The following ROR2 variants were observed in gnomAD, a reference collection of about 807,000 sequenced individuals.
ROR2 encodes the protein ROR family WNT receptor 2.
ROR2 carries 33 observed loss-of-function variants against 74.9 expected under a neutral mutation model. That is an observed-to-expected ratio of 0.44 (90% confidence interval 0.33 to 0.59). ROR2 has a LOEUF of 0.59. Among genes scored for constraint, ROR2 ranks in the 20% least tolerant of loss-of-function variants. The probability of loss-of-function intolerance (pLI) is 0.02; values close to 1 mark genes in which losing one functional copy is unlikely to be tolerated. For missense variants in ROR2, 1,216 were observed against 1,313.8 expected, an observed-to-expected ratio of 0.93 and a Z score of 1.15; for synonymous variants, 586 against 558.7, an observed-to-expected ratio of 1.05 and a Z score of -0.69.
chr9:91,929,613 G>C (rs750449808), intron 1 of ROR2, among the ~76,000 whole-genome samples: 23 of 152,236 alleles, frequency 1.5e-4, no homozygotes, highest in Middle Eastern at 6.8e-3. Flanking sequence ...TTCAACTTAT[G>C]ACCCAAAGAC....
intron 1 of ROR2, among the ~76,000 whole-genome samples, chr9:91,881,256 T>C (rs1830103306): frequency 6.6e-6 from 1 of 152,168 alleles, no homozygotes; most frequent in African/African-American, 2.4e-5. Flanking sequence ...AATTGATTAT[T>C]ATAAAAACAC....
intron 1 of ROR2, among the ~76,000 whole-genome samples, chr9:91,834,598 C>T (rs1828560072): frequency 6.6e-6 from 1 of 152,152 alleles, no homozygotes; most frequent in South Asian, 2.1e-4. Flanking sequence ...CAAAGGTCAG[C>T]GAGATTCATG....
At chr9:91,925,462 CTGTATGTGTG>C (rs1421418462) in intron 1 of ROR2, among the ~76,000 whole-genome samples, 2 of 126,084 alleles carry the variant, frequency 1.6e-5, no homozygotes, top group African/African-American at 6.6e-5. Flanking sequence ...TGTCAGCTGC[CTGTATGTGTG>C]TGTGTGTGTG....
At chr9:91,751,971 T>C (rs1021678542) in intron 4 of ROR2, among the ~76,000 whole-genome samples, 1 of 152,218 alleles carries the variant, frequency 6.6e-6, no homozygotes, top group Admixed American at 6.5e-5. Flanking sequence ...CAGCTTTAAA[T>C]ACATTTATTT....
At chr9:91,815,668 C>T (rs7853430) in intron 1 of ROR2, among the ~76,000 whole-genome samples, 3,100 of 152,288 alleles carry the variant, frequency 0.02, 94 homozygotes, top group East Asian at 0.16. Flanking sequence ...GCACTGTGAC[C>T]GTCAGCCTCT....
intron 1 of ROR2, among the ~76,000 whole-genome samples, chr9:91,908,885 T>C (rs967534019): frequency 3.3e-5 from 5 of 149,274 alleles, no homozygotes; most frequent in Non-Finnish European, 7.4e-5. Context: ...AAACTGACAC[T>C]TTGAACAGTT....
At position 91,950,032 on chromosome 9, in the gene ROR2, C is replaced by A. The variant is rs1832133188; in HGVS notation, c.-69G>T. ...GGGGCGCGGGGTCGGGCGCCACCACCCCTTTCTACGATGCGTCCGCTCCTC... is the reference window on the plus strand; with the variant it reads ...GGGGCGCGGGGTCGGGCGCCACCACACCTTTCTACGATGCGTCCGCTCCTC... On this transcript the variant is annotated 5_prime_UTR_variant, in exon 1 of 9. Transcript: ENST00000375708. 4.0e-6 allele frequency: 3 copies of A among 744,176 alleles called. No homozygotes were observed. Among genetic ancestry groups the A allele is most frequent in the Non-Finnish European group, 5.8e-6 (3 of 514,332 alleles). 46.1% of individuals were successfully genotyped at this position (744,176 alleles called of 1,614,324 possible). A position where few individuals can be genotyped will look rare whatever the true frequency, so the allele number is the denominator to read the frequency against.
intron 2 of ROR2, among the ~76,000 whole-genome samples, chr9:91,773,350 A>C (rs7039620): frequency 6.6e-6 from 1 of 151,354 alleles, no homozygotes; most frequent in Non-Finnish European, 1.5e-5. Flanking sequence ...GCTTCTCCTC[A>C]AACCGTGCTT....
At chr9:91,901,732 C>T (rs1314061294) in intron 1 of ROR2, among the ~76,000 whole-genome samples, 1 of 148,640 alleles carries the variant, frequency 6.7e-6, no homozygotes, top group Non-Finnish European at 1.5e-5. Flanking sequence ...GGGAGAACTG[C>T]TTGAACCCAG....
intron 4 of ROR2, 41 bp from the exon 5 acceptor site, chr9:91,737,559 T>TG (rs1259927716): frequency 1.2e-6 from 2 of 1,613,646 alleles, no homozygotes; most frequent in African/African-American, 2.7e-5. Flanking sequence ...CTCTGGGAGG[T>TG]GCCAGGTCCC....
At chr9:91,851,990 G>A (rs200350279) in intron 1 of ROR2, among the ~76,000 whole-genome samples, 6 of 139,218 alleles carry the variant, frequency 4.3e-5, no homozygotes, top group Admixed American at 3.6e-4. Context: ...AAAAAAAAAA[G>A]ACAATAGGGT....
intron 7 of ROR2, among the ~76,000 whole-genome samples, chr9:91,727,674 G>A (rs1837091033): frequency 6.6e-6 from 1 of 151,944 alleles, no homozygotes; most frequent in African/African-American, 2.4e-5. Context: ...CACATCCCCA[G>A]AAAACCACGG....
rs1027036891 is a variant in ROR2 at position 91,798,973 on chromosome 9, G to C, written c.98-23155C>G. On this transcript the variant is annotated intron_variant, in intron 1 of 8. Coordinates refer to ENST00000375708, the MANE Select transcript of ROR2 (RefSeq NM_004560.4). ...TTCACAGAGAAAGAGCAACCTCTTGGAGACTTGCGATTAAGAATTTCCACA... is the reference window on the plus strand; with the variant it reads ...TTCACAGAGAAAGAGCAACCTCTTGCAGACTTGCGATTAAGAATTTCCACA... 2.6e-5 allele frequency among the ~76,000 whole-genome samples: 4 copies of C among 152,230 alleles called. No homozygotes were observed. The East Asian group carries it at 5.8e-4, about 22-fold the overall frequency.
At chr9:91,787,491 C>T (rs372309349) in intron 1 of ROR2, among the ~76,000 whole-genome samples, 1 of 152,090 alleles carries the variant, frequency 6.6e-6, no homozygotes. Context: ...GGAGACGGAA[C>T]AAGACTCTGT....
chr9:91,901,483 G>A (rs1275095448), intron 1 of ROR2, among the ~76,000 whole-genome samples: 1 of 152,144 alleles, frequency 6.6e-6, no homozygotes, highest in African/African-American at 2.4e-5. Flanking sequence ...TCAAATGTGG[G>A]CTCAGTACAT....
At chr9:91,796,358 G>C (rs1413081412) in intron 1 of ROR2, among the ~76,000 whole-genome samples, 1 of 151,578 alleles carries the variant, frequency 6.6e-6, no homozygotes, top group African/African-American at 2.4e-5. Context: ...GCTTGAGTCT[G>C]GGAGGTCAAG....
At chr9:91,738,284 A>G (rs1825103579) in intron 4 of ROR2, among the ~76,000 whole-genome samples, 1 of 152,238 alleles carries the variant, frequency 6.6e-6, no homozygotes, top group Non-Finnish European at 1.5e-5. Context: ...CAATTTTTCT[A>G]TAAACCTACA....
At chr9:91,914,480 T>G (rs964767782) in intron 1 of ROR2, among the ~76,000 whole-genome samples, 1 of 152,190 alleles carries the variant, frequency 6.6e-6, no homozygotes, top group African/African-American at 2.4e-5. Context: ...AGGTGGTTCA[T>G]GACGTCACCG....
chr9:91,854,801 C>T (rs1023266575), intron 1 of ROR2, among the ~76,000 whole-genome samples: 2 of 152,158 alleles, frequency 1.3e-5, no homozygotes, highest in African/African-American at 4.8e-5. Flanking sequence ...CTTTGCCTCT[C>T]GTTAGAGGTA....
Sources: gnomAD v4.1 joint callset for allele counts (sites outside exome capture counted in the v4.1 genomes callset) on GRCh38, gnomAD v4.1.1 for gene constraint, MANE v1.5 for transcripts, NCBI Gene and HGNC (gene_info 2026-07-23, HGNC 2026-07-21) for gene names.